The following LRRC7 variants were observed in gnomAD, a reference collection of about 807,000 sequenced individuals.
The protein encoded by LRRC7 is leucine rich repeat containing 7.
Under a neutral mutation model 175.7 loss-of-function variants are expected in LRRC7, and 23 were observed. The ratio of observed to expected loss-of-function variants is 0.13; its 90% CI spans 0.09 to 0.19. The LOEUF is 0.19. LRRC7 is among the 10% of genes least tolerant of loss of function. The pLI is 1.00. For synonymous variants in LRRC7, 685 were observed against 680.9 expected, an observed-to-expected ratio of 1.01 and a Z score of -0.09; for missense variants, 1,354 against 1,904.7, an observed-to-expected ratio of 0.71 and a Z score of 5.38.
intron 21 of LRRC7, 123 bp from the exon 22 acceptor site, chr1:70,043,831 T>C: frequency 8.6e-7 from 1 of 1,163,074 alleles, no homozygotes; most frequent in South Asian, 1.7e-5. Context: ...GTGCATGTTT[T>C]TTTAAAAAGT....
chr1:69,933,455 G>A (rs762799887), intron 8 of LRRC7, among the ~76,000 whole-genome samples: 1 of 152,144 alleles, frequency 6.6e-6, no homozygotes, highest in African/African-American at 2.4e-5. Flanking sequence ...AAAATAAGTT[G>A]TTAAAGACCT....
At chr1:70,018,249 C>A (rs893639489) in intron 14 of LRRC7, among the ~76,000 whole-genome samples, 1 of 151,812 alleles carries the variant, frequency 6.6e-6, no homozygotes, top group African/African-American at 2.4e-5. Context: ...TAAAGTGGAC[C>A]CTGTCTTTGG....
At chr1:69,801,976 C>T (rs1396365795) in intron 4 of LRRC7, among the ~76,000 whole-genome samples, 2 of 150,794 alleles carry the variant, frequency 1.3e-5, no homozygotes, top group Non-Finnish European at 3.0e-5. Context: ...TCATTATTGA[C>T]CAAACATTGT....
chr1:69,943,194 C>A (rs976718700), intron 8 of LRRC7, among the ~76,000 whole-genome samples: 2 of 151,932 alleles, frequency 1.3e-5, no homozygotes, highest in African/African-American at 2.4e-5. Flanking sequence ...GAAGTGGAAA[C>A]AATAGAAATG....
At chr1:69,688,318 C>T (rs1209716916) in intron 2 of LRRC7, among the ~76,000 whole-genome samples, 1 of 152,182 alleles carries the variant, frequency 6.6e-6, no homozygotes, top group Non-Finnish European at 1.5e-5. Flanking sequence ...TCCCCAGATA[C>T]TTGTGTTCTT....
At chr1:69,733,011 A>T (rs546230465) in intron 2 of LRRC7, among the ~76,000 whole-genome samples, 14 of 152,178 alleles carry the variant, frequency 9.2e-5, no homozygotes, top group Admixed American at 5.2e-4. Context: ...AGAAATCTAG[A>T]TGTGTTTCTG....
intron 25 of LRRC7, among the ~76,000 whole-genome samples, chr1:70,097,454 C>CT (rs944675952): frequency 2.7e-4 from 41 of 152,012 alleles, no homozygotes; most frequent in African/African-American, 8.4e-4. Context: ...CTGAATTTTT[C>CT]TTTTTTTTAC....
intron 7 of LRRC7, among the ~76,000 whole-genome samples, chr1:69,885,305 G>A (rs1291710196): frequency 6.9e-6 from 1 of 144,780 alleles, no homozygotes; most frequent in Admixed American, 6.8e-5. Context: ...CCTGTTATTG[G>A]TCTATTCAGA....
intron 2 of LRRC7, among the ~76,000 whole-genome samples, chr1:69,717,786 GAAAGAAA>G (rs1665577647): frequency 1.0e-4 from 2 of 19,308 alleles, no homozygotes; most frequent in Non-Finnish European, 1.9e-4. Flanking sequence ...AAGAAAGAAA[GAAAGAAA>G]GAAAGAAAGA....
chr1:69,607,546 T>G (rs1190841388), intron 1 of LRRC7: 1 of 152,144 alleles, frequency 6.6e-6, no homozygotes, highest in Non-Finnish European at 1.5e-5. Context: ...TAGCTTTAGC[T>G]TGTTCATATT....
At chr1:70,104,615 A>G (rs1665021737) in intron 25 of LRRC7, among the ~76,000 whole-genome samples, 1 of 152,206 alleles carries the variant, frequency 6.6e-6, no homozygotes, top group Admixed American at 6.5e-5. Context: ...TTGAAAAGAC[A>G]TAATAAAGTG....
intron 2 of LRRC7, among the ~76,000 whole-genome samples, chr1:69,687,446 G>T (rs767298627): frequency 7.2e-6 from 1 of 139,318 alleles, no homozygotes; most frequent in Non-Finnish European, 1.5e-5. Context: ...GGAGGCGGAG[G>T]TTGCAGTGAG....
intron 1 of LRRC7, among the ~76,000 whole-genome samples, chr1:69,656,632 T>A (rs1197384969): frequency 6.6e-6 from 1 of 152,036 alleles, no homozygotes; most frequent in Non-Finnish European, 1.5e-5. Context: ...TATCAAACTC[T>A]GTTGCAGCAT....
At chr1:69,997,115 A>C (rs1388537162) in intron 11 of LRRC7, among the ~76,000 whole-genome samples, 1 of 152,048 alleles carries the variant, frequency 6.6e-6, no homozygotes, top group African/African-American at 2.4e-5. Flanking sequence ...GGTCCTTCAC[A>C]TCCCTTGTGA....
chr1:69,789,722 CTATGTATAAG>C (rs1000778078), intron 3 of LRRC7, among the ~76,000 whole-genome samples: 9 of 151,996 alleles, frequency 5.9e-5, no homozygotes, highest in Non-Finnish European at 1.0e-4. Flanking sequence ...TCAGTATGTA[CTATGTATAAG>C]ACACTGTACC....
chr1:69,998,361 A>G (rs928907258), intron 11 of LRRC7, among the ~76,000 whole-genome samples: 3 of 152,136 alleles, frequency 2.0e-5, no homozygotes, highest in Non-Finnish European at 4.4e-5. Flanking sequence ...GAGTGGAACA[A>G]CTTGCTAAAA....
intron 24 of LRRC7, among the ~76,000 whole-genome samples, chr1:70,078,798 G>GCACACACACACA (rs1327136403): frequency 2.0e-5 from 2 of 101,274 alleles, no homozygotes; most frequent in African/African-American, 1.2e-4. Context: ...ATATACGCGC[G>GCACACACACACA]CGCGCGCGCG....
intron 3 of LRRC7, among the ~76,000 whole-genome samples, chr1:69,760,688 C>G (rs1018453035): frequency 1.3e-5 from 2 of 151,650 alleles, no homozygotes; most frequent in Non-Finnish European, 2.9e-5. Flanking sequence ...GGGTTGAGAT[C>G]AATAGTTTAT....
At chr1:69,839,053 A>G in intron 7 of LRRC7, 1 of 307,734 alleles carries the variant, frequency 3.2e-6, no homozygotes, top group Non-Finnish European at 6.6e-6. Context: ...CTTCTGCAGT[A>G]TTATAGAAAA....
Sources: gnomAD v4.1 joint callset for allele counts (sites outside exome capture counted in the v4.1 genomes callset) on GRCh38, gnomAD v4.1.1 for gene constraint, MANE v1.5 for transcripts, NCBI Gene and HGNC (gene_info 2026-07-23, HGNC 2026-07-21) for gene names.